Variants in SLC24A2 observed in about 807,000 individuals in gnomAD.
SLC24A2 encodes the protein sodium/potassium/calcium exchanger 2.
Under a neutral mutation model 62.0 loss-of-function variants are expected in SLC24A2, and 36 were observed. The observed-to-expected ratio is 0.58, with a 90% CI of 0.44 to 0.77. The LOEUF (loss-of-function observed/expected upper bound fraction) is 0.77, where lower values mean the gene tolerates loss of function less well. SLC24A2 is among the 30% of genes least tolerant of loss of function. The pLI, the probability that SLC24A2 is intolerant of heterozygous loss-of-function variation, is 0.00. For missense variants in SLC24A2, 846 were observed against 817.9 expected (o/e 1.03, Z -0.42); for synonymous variants, 358 against 294.0 (o/e 1.22, Z -2.23).
chr9:20,298,381 A>G, the SLC24A2 span, among the ~76,000 whole-genome samples: 4 of 152,166 alleles, frequency 2.6e-5, no homozygotes, highest in African/African-American at 9.7e-5. Flanking sequence ...GGCACGCGCC[A>G]CCATGCCCAG....
At chr9:20,216,379 C>T in the SLC24A2 span, among the ~76,000 whole-genome samples, 1 of 152,150 alleles carries the variant, frequency 6.6e-6, no homozygotes, top group Non-Finnish European at 1.5e-5. Context: ...TGAATTTCTT[C>T]TAAAGCAGAA....
the SLC24A2 span, among the ~76,000 whole-genome samples, chr9:20,243,340 A>T: frequency 6.6e-6 from 1 of 152,218 alleles, no homozygotes; most frequent in Non-Finnish European, 1.5e-5. Context: ...ATGCTGACAT[A>T]CCAGCTCCTT....
At chr9:20,170,072 G>A in the SLC24A2 span, among the ~76,000 whole-genome samples, 1 of 150,580 alleles carries the variant, frequency 6.6e-6, no homozygotes, top group Non-Finnish European at 1.5e-5. Flanking sequence ...TGAACAGGCA[G>A]AAGAAAGAAC....
At chr9:19,905,357 T>A in the SLC24A2 span, among the ~76,000 whole-genome samples, 4 of 152,174 alleles carry the variant, frequency 2.6e-5, no homozygotes, top group Admixed American at 2.6e-4. Flanking sequence ...GAGGATGCAA[T>A]GTTGCACATT....
chr9:20,275,240 A>G, the SLC24A2 span, among the ~76,000 whole-genome samples: 5 of 152,222 alleles, frequency 3.3e-5, no homozygotes, highest in Admixed American at 2.6e-4. Flanking sequence ...AGACCTGCAG[A>G]GAAAAGAAAA....
the SLC24A2 span, among the ~76,000 whole-genome samples, chr9:20,173,513 C>T: frequency 0.23 from 35,030 of 151,964 alleles, 4,850 homozygotes; most frequent in African/African-American, 0.39. Context: ...GTACACAAAT[C>T]AGTAGCTCTC....
At chr9:20,039,780 A>G in the SLC24A2 span, among the ~76,000 whole-genome samples, 2 of 152,220 alleles carry the variant, frequency 1.3e-5, no homozygotes, top group Admixed American at 6.5e-5. Flanking sequence ...AGTCTCTCCC[A>G]TATCAGGAAA....
the SLC24A2 span, among the ~76,000 whole-genome samples, chr9:19,961,353 G>T: frequency 6.6e-6 from 1 of 152,124 alleles, no homozygotes; most frequent in Non-Finnish European, 1.5e-5. Context: ...TCCAAAACTG[G>T]ATTCCCTCTC....
At chr9:19,588,221 A>ACAT (rs2132878751) in intron 5 of SLC24A2, among the ~76,000 whole-genome samples, 1 of 150,084 alleles carries the variant, frequency 6.7e-6, no homozygotes, top group Non-Finnish European at 1.5e-5. Context: ...CTTACAGAGA[A>ACAT]CATCTATTCA....
At chr9:19,766,624 G>A (rs1280982380) in intron 2 of SLC24A2, among the ~76,000 whole-genome samples, 1 of 152,242 alleles carries the variant, frequency 6.6e-6, no homozygotes, top group Non-Finnish European at 1.5e-5. Flanking sequence ...CACCAGCAGA[G>A]GCTGCAGAAC....
chr9:19,628,972 C>G (rs1169392646), intron 2 of SLC24A2, among the ~76,000 whole-genome samples: 1 of 152,130 alleles, frequency 6.6e-6, no homozygotes, highest in Non-Finnish European at 1.5e-5. Flanking sequence ...CTAACAAATG[C>G]TGGTGTGCAA....
chr9:20,017,301 G>C, the SLC24A2 span, among the ~76,000 whole-genome samples: 1 of 152,182 alleles, frequency 6.6e-6, no homozygotes, highest in African/African-American at 2.4e-5. Flanking sequence ...GGGATTGCAG[G>C]TGTGAGCCAC....
the SLC24A2 span, among the ~76,000 whole-genome samples, chr9:19,989,202 G>C: frequency 3.3e-5 from 5 of 152,128 alleles, no homozygotes; most frequent in African/African-American, 1.2e-4. Flanking sequence ...TATAAGGAGA[G>C]AATATTATAA....
chr9:20,037,380 A>T, the SLC24A2 span, among the ~76,000 whole-genome samples: 1 of 152,112 alleles, frequency 6.6e-6, no homozygotes, highest in African/African-American at 2.4e-5. Flanking sequence ...GATTCCACAG[A>T]TGCAGAACTC....
At chr9:19,593,717 C>T (rs969493916) in intron 5 of SLC24A2, among the ~76,000 whole-genome samples, 4 of 152,024 alleles carry the variant, frequency 2.6e-5, no homozygotes, top group African/African-American at 9.7e-5. Context: ...TTCCACTCCC[C>T]ATCTTGTACA....
the SLC24A2 span, among the ~76,000 whole-genome samples, chr9:19,893,943 G>T: frequency 1.3e-5 from 2 of 152,170 alleles, no homozygotes; most frequent in Non-Finnish European, 2.9e-5. Flanking sequence ...AGGGAGAAGA[G>T]AATTTCCACT....
intron 5 of SLC24A2, among the ~76,000 whole-genome samples, chr9:19,587,730 G>A (rs1420892603): frequency 1.3e-5 from 2 of 151,906 alleles, no homozygotes; most frequent in African/African-American, 4.8e-5. Flanking sequence ...AAGTTTGACT[G>A]ACGAAGGCAA....
chr9:19,950,973 C>G, the SLC24A2 span, among the ~76,000 whole-genome samples: 2 of 152,126 alleles, frequency 1.3e-5, no homozygotes, highest in African/African-American at 4.8e-5. Context: ...AAGTCAGAAG[C>G]ACATCTGACA....
At chr9:20,084,810 G>A in the SLC24A2 span, among the ~76,000 whole-genome samples, 1 of 152,090 alleles carries the variant, frequency 6.6e-6, no homozygotes, top group Non-Finnish European at 1.5e-5. Flanking sequence ...CCATGAGCCT[G>A]ATTATGCTCA....
Sources: gnomAD v4.1 joint callset for allele counts (sites outside exome capture counted in the v4.1 genomes callset) on GRCh38, gnomAD v4.1.1 for gene constraint, MANE v1.5 for transcripts, NCBI Gene and HGNC (gene_info 2026-07-23, HGNC 2026-07-21) for gene names.